Variants in PSD3 observed in about 807,000 individuals in gnomAD.
PSD3 encodes the protein pleckstrin and Sec7 domain containing 3.
In PSD3, 49 loss-of-function variants were observed where a neutral mutation model predicts 105.5. The ratio of observed to expected loss-of-function variants is 0.46; its 90% CI spans 0.37 to 0.59. The LOEUF is 0.59. Among genes scored for constraint, PSD3 ranks in the 20% least tolerant of loss-of-function variants. PSD3 has a pLI of 0.00. For synonymous variants in PSD3, 557 were observed against 457.8 expected (o/e 1.22, Z -2.77); for missense variants, 1,561 against 1,263.8 (o/e 1.24, Z -3.57).
At position 18,632,756 on chromosome 8, in the gene PSD3, G is replaced by A. The variant is rs144313168; in HGVS notation, c.2267C>T (p.Ala756Val). 7 of 1,605,726 alleles carry A rather than the reference G, an allele frequency of 4.4e-6. No individual in the cohort carries two copies. Among genetic ancestry groups the A allele is most frequent in the African/African-American group, 1.3e-5 (1 of 74,618 alleles). The change falls in exon 11 of 16, where the codon GCT (alanine) becomes GTT (valine). Residue 756 changes from alanine (A) to valine (V), a missense_variant. Transcript: ENST00000327040. ...KSPSESTEEK[A>V]NGTHPKTISR... is the part of the protein sequence containing the mutation. ...GATGGTCTTTGGATGTGTTCCGTTA[G>A]CTTTCTCCTCAGTACTTTCTGAGGG...
At chr8:18,599,910 C>T (rs972764567) in intron 12 of PSD3, among the ~76,000 whole-genome samples, 1 of 152,052 alleles carries the variant, frequency 6.6e-6, no homozygotes, top group African/African-American at 2.4e-5. Context: ...ATAAATTAGT[C>T]ACAGTAAGAG....
intron 1 of PSD3, among the ~76,000 whole-genome samples, chr8:19,023,765 C>G (rs911269593): frequency 3.9e-5 from 6 of 152,080 alleles, no homozygotes; most frequent in Non-Finnish European, 8.8e-5. Context: ...AGCTCTAGAA[C>G]GTTTCCATGA....
intron 1 of PSD3, among the ~76,000 whole-genome samples, chr8:19,076,248 A>G (rs1437607752): frequency 6.6e-6 from 1 of 152,254 alleles, no homozygotes; most frequent in Non-Finnish European, 1.5e-5. Context: ...TTTCAGTTGA[A>G]AATATTTATT....
chr8:18,719,421 C>A (rs953589279), intron 9 of PSD3, among the ~76,000 whole-genome samples: 1 of 152,098 alleles, frequency 6.6e-6, no homozygotes, highest in South Asian at 2.1e-4. Context: ...ACATACACAA[C>A]CCTGGCAGAA....
chr8:18,817,733 TG>T (rs375536404), intron 4 of PSD3, among the ~76,000 whole-genome samples: 4 of 152,314 alleles, frequency 2.6e-5, no homozygotes, highest in African/African-American at 9.6e-5. Context: ...CTAGAGACTC[TG>T]ATCAGCGGAA....
At chr8:18,995,021 T>A (rs1825999663) in intron 1 of PSD3, among the ~76,000 whole-genome samples, 1 of 151,834 alleles carries the variant, frequency 6.6e-6, no homozygotes, top group African/African-American at 2.4e-5. Flanking sequence ...CTTTCAAAGG[T>A]TTATTCTATT....
At chr8:18,623,364 C>T (rs529286635) in intron 11 of PSD3, among the ~76,000 whole-genome samples, 19 of 147,420 alleles carry the variant, frequency 1.3e-4, no homozygotes, top group African/African-American at 4.5e-4. Flanking sequence ...GTAATCCCAG[C>T]GCTCTGGGAA....
chr8:18,968,279 G>A (rs1824413026), intron 1 of PSD3, among the ~76,000 whole-genome samples: 2 of 152,112 alleles, frequency 1.3e-5, no homozygotes, highest in Admixed American at 6.6e-5. Context: ...GACTCATCAG[G>A]ATTCTCTGAC....
chr8:18,786,098 G>A (rs1405130563), intron 8 of PSD3, among the ~76,000 whole-genome samples: 2 of 152,288 alleles, frequency 1.3e-5, no homozygotes, highest in African/African-American at 4.8e-5. Context: ...CAGCTGCTCG[G>A]GAGGCTGAGG....
At chr8:18,806,711 A>T (rs780349519) in intron 4 of PSD3, among the ~76,000 whole-genome samples, 2 of 152,196 alleles carry the variant, frequency 1.3e-5, no homozygotes, top group Non-Finnish European at 2.9e-5. Flanking sequence ...GCTGGGCTGA[A>T]TTGGGCCCAT....
intron 1 of PSD3, among the ~76,000 whole-genome samples, chr8:18,990,702 G>T (rs779753046): frequency 1.2e-4 from 19 of 152,102 alleles, no homozygotes; most frequent in Non-Finnish European, 2.4e-4. Flanking sequence ...TTTTAAAACA[G>T]AATATTTTAA....
At chr8:18,896,948 T>TGG (rs1374205347) in intron 2 of PSD3, among the ~76,000 whole-genome samples, 1 of 151,978 alleles carries the variant, frequency 6.6e-6, no homozygotes, top group East Asian at 1.9e-4. Context: ...GTAGCTGGGA[T>TGG]TACAGGCATG....
At chr8:18,589,378 G>A (rs554058771) in intron 12 of PSD3, among the ~76,000 whole-genome samples, 1 of 152,256 alleles carries the variant, frequency 6.6e-6, no homozygotes, top group African/African-American at 2.4e-5. Context: ...TTTACTTTGT[G>A]ATCTTTGGGT....
chr8:18,817,433 C>T (rs532983720), intron 4 of PSD3, among the ~76,000 whole-genome samples: 4 of 152,132 alleles, frequency 2.6e-5, no homozygotes, highest in Middle Eastern at 3.2e-3. Flanking sequence ...CACTGTGCCC[C>T]GAGGGCTAGT....
At chr8:18,613,285 C>T (rs538763594) in intron 11 of PSD3, among the ~76,000 whole-genome samples, 10 of 152,166 alleles carry the variant, frequency 6.6e-5, no homozygotes, top group African/African-American at 1.4e-4. Context: ...TTCTGAATAA[C>T]GCCCATCTGC....
intron 4 of PSD3, among the ~76,000 whole-genome samples, chr8:18,861,025 C>G (rs367812559): frequency 1.1e-4 from 17 of 152,272 alleles, no homozygotes; most frequent in African/African-American, 4.1e-4. Flanking sequence ...GTTTAAACCA[C>G]AGAATTAGAA....
chr8:18,539,587 C>G (rs1800038732), intron 15 of PSD3, among the ~76,000 whole-genome samples: 1 of 140,074 alleles, frequency 7.1e-6, no homozygotes, highest in Admixed American at 7.5e-5. Context: ...CTTGCTCTGT[C>G]TCCAGGCTGG....
chr8:18,723,496 G>C (rs762538615), intron 9 of PSD3, among the ~76,000 whole-genome samples: 1 of 152,118 alleles, frequency 6.6e-6, no homozygotes, highest in Non-Finnish European at 1.5e-5. Flanking sequence ...CTCTACTGAA[G>C]ATCAATTAAA....
intron 8 of PSD3, among the ~76,000 whole-genome samples, chr8:18,792,603 G>C (rs886740792): frequency 3.9e-5 from 6 of 152,168 alleles, no homozygotes; most frequent in Admixed American, 6.5e-5. Flanking sequence ...AGGAAGAACA[G>C]CTAATGAATG....
Sources: gnomAD v4.1 joint callset for allele counts (sites outside exome capture counted in the v4.1 genomes callset) on GRCh38, gnomAD v4.1.1 for gene constraint, MANE v1.5 for transcripts, NCBI Gene and HGNC (gene_info 2026-07-23, HGNC 2026-07-21) for gene names.